The following FRMD4B variants were observed in gnomAD, a reference collection of about 807,000 sequenced individuals.
The protein encoded by FRMD4B is FERM domain-containing protein 4B.
FRMD4B carries 74 observed loss-of-function variants against 141.5 expected under a neutral mutation model. That is an observed-to-expected ratio of 0.52 (90% CI 0.43 to 0.63). FRMD4B has a LOEUF of 0.63. Ranked by LOEUF, FRMD4B falls within the 30% of genes least tolerant of loss-of-function variation. The pLI is 0.00. For synonymous variants in FRMD4B, 506 were observed against 467.9 expected (o/e 1.08, Z -1.05); for missense variants, 1,366 against 1,253.4 (o/e 1.09, Z -1.36).
rs190594232 is a variant in FRMD4B, at chr3:69,194,631, T to C, written c.1488+391A>G. 1.5e-3 allele frequency among the ~76,000 whole-genome samples: 223 copies of C among 152,222 alleles called. 1 individual carries two copies. The highest frequency in any genetic ancestry group is 2.1e-3 in the Non-Finnish European group (146 of 67,994). The stretch of plus-strand genomic sequence containing the variant: ...ACTCATTGGATCCCGTGGAGGGAAG[T>C]CCAATCATTACCCCCATTTTACAGA... On this transcript the variant is annotated intron_variant, in intron 16 of 22. Coordinates refer to ENST00000398540, the MANE Select transcript of FRMD4B (RefSeq NM_015123.3).
intron 19 of FRMD4B, among the ~76,000 whole-genome samples, chr3:69,184,166 C>T (rs765999058): frequency 5.9e-5 from 9 of 152,146 alleles, no homozygotes; most frequent in Non-Finnish European, 8.8e-5. Context: ...CCTGCCTCAG[C>T]CTCCCAAAGT....
intron 1 of FRMD4B, among the ~76,000 whole-genome samples, chr3:69,350,113 C>A (rs1464865257): frequency 6.6e-6 from 1 of 151,728 alleles, no homozygotes; most frequent in Non-Finnish European, 1.5e-5. Context: ...CAATGAACTC[C>A]AACAAATTTA....
At chr3:69,244,510 G>A (rs1456511035) in intron 7 of FRMD4B, among the ~76,000 whole-genome samples, 2 of 152,170 alleles carry the variant, frequency 1.3e-5, no homozygotes, top group South Asian at 2.1e-4. Context: ...CTCAATGCCT[G>A]TAGTCCCAGC....
chr3:69,236,228 GTTTT>G (rs545415221), intron 7 of FRMD4B, among the ~76,000 whole-genome samples: 5 of 139,708 alleles, frequency 3.6e-5, no homozygotes, highest in African/African-American at 5.2e-5. Context: ...TATTGTTTTG[GTTTT>G]TTTTTTTTTT....
intron 1 of FRMD4B, among the ~76,000 whole-genome samples, chr3:69,465,651 T>C (rs986738245): frequency 6.6e-6 from 1 of 152,078 alleles, no homozygotes; most frequent in African/African-American, 2.4e-5. Flanking sequence ...TTTGGTTTTC[T>C]GTTCTTGTGA....
At chr3:69,392,516 G>A (rs66998324) in intron 2 of FRMD4B, among the ~76,000 whole-genome samples, 74,320 of 151,936 alleles carry the variant, frequency 0.49, 18,597 homozygotes, top group East Asian at 0.62. Context: ...TTGATGGTTG[G>A]GGGACCAGAA....
chr3:69,301,608 T>A (rs1244353330), intron 4 of FRMD4B, among the ~76,000 whole-genome samples: 1 of 152,132 alleles, frequency 6.6e-6, no homozygotes, highest in African/African-American at 2.4e-5. Context: ...GGAATTACAG[T>A]CATGAGCCAC....
At position 69,307,219 on chromosome 3, in the gene FRMD4B, C is replaced by T. The variant is rs116923040; in HGVS notation, c.323+4044G>A. Among the ~76,000 whole-genome samples, 61 of 152,148 alleles carry T rather than the reference C, an allele frequency of 4.0e-4. 2 individuals carry two copies. In the East Asian group the frequency reaches 0.01, roughly 25 times the overall value. On this transcript the variant is annotated intron_variant, in intron 3 of 22. Coordinates refer to ENST00000398540, the MANE Select transcript of FRMD4B (RefSeq NM_015123.3). Reference sequence around the variant, plus strand: ...ACTATAGTTACCTCCTTTGGTTGAACCAAAGGAGGTAACTGGGAAAAAGGC... The same window carrying T: ...ACTATAGTTACCTCCTTTGGTTGAATCAAAGGAGGTAACTGGGAAAAAGGC...
intron 22 of FRMD4B, among the ~76,000 whole-genome samples, chr3:69,175,009 T>C (rs1414222487): frequency 6.6e-6 from 1 of 152,166 alleles, no homozygotes; most frequent in East Asian, 1.9e-4. Flanking sequence ...GTATAGCCTT[T>C]GTTTAGCTGA....
At chr3:69,204,522 A>T (rs1466833581) in intron 11 of FRMD4B, among the ~76,000 whole-genome samples, 1 of 152,196 alleles carries the variant, frequency 6.6e-6, no homozygotes, top group Non-Finnish European at 1.5e-5. Flanking sequence ...TTATTACGTG[A>T]AGCCAAACAA....
At chr3:69,220,407 AC>A (rs2093182586) in intron 9 of FRMD4B, among the ~76,000 whole-genome samples, 1 of 152,182 alleles carries the variant, frequency 6.6e-6, no homozygotes, top group Admixed American at 6.5e-5. Context: ...TCACTAGTTT[AC>A]CTTAATACCC....
chr3:69,181,176 G>T lies in FRMD4B; in HGVS notation c.2574C>A (p.His858Gln). ...GGGGTACCCGGTCGACCTCATCTTC[G>T]TGAAAGGATCTGCTGTAGTCCCTCT... ...ERQRDYSRSF[H>Q]EDEVDRVPHN... The change falls in exon 21 of 23, where the codon CAC becomes CAA. Residue 858 changes from histidine (H) to glutamine (Q), a missense_variant. Transcript: ENST00000398540. 35 of 1,613,984 alleles carry T rather than the reference G, an allele frequency of 2.2e-5. No homozygotes were observed. Among genetic ancestry groups the T allele is most frequent in the Non-Finnish European group, 2.8e-5 (33 of 1,179,884 alleles).
intron 8 of FRMD4B, among the ~76,000 whole-genome samples, chr3:69,223,359 C>A (rs2093216587): frequency 6.6e-6 from 1 of 151,932 alleles, no homozygotes; most frequent in Admixed American, 6.6e-5. Context: ...ACTGAAGATA[C>A]AAAACATTAG....
intron 1 of FRMD4B, among the ~76,000 whole-genome samples, chr3:69,538,642 T>C (rs1223560460): frequency 4.6e-5 from 7 of 152,214 alleles, no homozygotes; most frequent in African/African-American, 1.2e-4. Flanking sequence ...AGTTTAAAAA[T>C]TGATTTCACC....
intron 1 of FRMD4B, chr3:69,336,410 A>G (rs1422273999): frequency 6.6e-6 from 1 of 152,264 alleles, no homozygotes; most frequent in Non-Finnish European, 1.5e-5. Context: ...AGTAAGAAGT[A>G]TGGAGTTTGT....
At chr3:69,254,199 A>G (rs9841198) in intron 5 of FRMD4B, among the ~76,000 whole-genome samples, 146,959 of 152,124 alleles carry the variant, frequency 0.97, 71,197 homozygotes, top group East Asian at 1. Context: ...CCGCCTCCCG[A>G]GTTCAAGCGA....
intron 5 of FRMD4B, among the ~76,000 whole-genome samples, chr3:69,271,056 A>G (rs1049552571): frequency 6.6e-6 from 1 of 152,120 alleles, no homozygotes; most frequent in Non-Finnish European, 1.5e-5. Flanking sequence ...TAGTATTTTT[A>G]TATGACTTTT....
chr3:69,414,861 GTT>G lies in FRMD4B; in HGVS notation c.-1+17771_-1+17772del, dbSNP rs5849900. 1.1e-3 allele frequency among the ~76,000 whole-genome samples: 108 copies of G among 98,042 alleles called. No individual in the cohort carries two copies. The East Asian group carries it at 0.021, about 19-fold the overall frequency. The allele number at this position is 98,042 out of a possible 152,430, so 64.3% of individuals were successfully genotyped here. On this transcript the variant is annotated intron_variant, in intron 2 of 5. Coordinates refer to the FRMD4B transcript ENST00000459638. ...TGTTGAGACTCACAGCGAACAAGCT[GTT>G]TTTTTTTTTTTTTTTTTTTTGAGAT...
chr3:69,479,273 C>T (rs546558845), intron 1 of FRMD4B, among the ~76,000 whole-genome samples: 3 of 150,872 alleles, frequency 2.0e-5, no homozygotes, highest in Non-Finnish European at 3.0e-5. Context: ...TTATTTTGTT[C>T]GTTAGTTGAT....
Sources: allele counts gnomAD v4.1 joint callset (sites outside exome capture counted in the v4.1 genomes callset), GRCh38; gene constraint gnomAD v4.1.1; transcripts MANE v1.5; gene names NCBI Gene and HGNC (gene_info 2026-07-23, HGNC 2026-07-21).